The following CADM2 variants were observed in gnomAD, a reference collection of about 807,000 sequenced individuals.
The protein encoded by CADM2 is immunoglobulin superfamily member 4D.
In CADM2, 12 loss-of-function variants were observed where a neutral mutation model predicts 49.8. That is an observed-to-expected ratio of 0.24 (90% CI 0.15 to 0.39). The LOEUF (loss-of-function observed/expected upper bound fraction) is 0.39, where lower values mean the gene tolerates loss of function less well. Ranked by LOEUF, CADM2 falls within the 10% of genes least tolerant of loss-of-function variation. The pLI is 1.00. For missense variants in CADM2, 378 were observed against 492.3 expected, an observed-to-expected ratio of 0.77 and a Z score of 2.20; for synonymous variants, 214 against 175.4, an observed-to-expected ratio of 1.22 and a Z score of -1.74.
chr3:85,556,870 A>G (rs562888428), intron 1 of CADM2, among the ~76,000 whole-genome samples: 2 of 152,260 alleles, frequency 1.3e-5, no homozygotes, highest in East Asian at 3.9e-4. Flanking sequence ...GTGTGAATAA[A>G]TTTTTAGATT....
chr3:85,164,095 T>C (rs2107672865), intron 1 of CADM2, among the ~76,000 whole-genome samples: 1 of 152,220 alleles, frequency 6.6e-6, no homozygotes, highest in Middle Eastern at 3.4e-3. Flanking sequence ...GTATTATCTT[T>C]GAACAAATTG....
At chr3:85,231,365 T>C (rs894569512) in intron 1 of CADM2, among the ~76,000 whole-genome samples, 3 of 152,052 alleles carry the variant, frequency 2.0e-5, no homozygotes, top group African/African-American at 7.2e-5. Context: ...TAGCTACTAG[T>C]TTTTCTAAGT....
intron 1 of CADM2, among the ~76,000 whole-genome samples, chr3:85,622,873 G>C (rs963367500): frequency 6.6e-6 from 1 of 151,848 alleles, no homozygotes. Flanking sequence ...AATTTTTTTT[G>C]TTTTGTTTTG....
chr3:85,423,625 C>T lies in CADM2; in HGVS notation c.62-302897C>T, dbSNP rs141358365. The stretch of plus-strand genomic sequence containing the variant: ...CAAAGAAATATAATCAGGTGAGTGG[C>T]TATTGGATGTCTGCCTCAATTAGCA... On this transcript the variant is annotated intron_variant, in intron 1 of 9. Coordinates refer to ENST00000383699, the MANE Select transcript of CADM2 (RefSeq NM_001167675.2). Among the ~76,000 whole-genome samples the T allele has an allele frequency of 4.7e-4, 71 of 152,266 alleles. No homozygotes were observed. The East Asian group carries it at 8.1e-3, about 17-fold the overall frequency.
intron 1 of CADM2, among the ~76,000 whole-genome samples, chr3:85,047,111 T>G (rs2035699622): frequency 6.6e-6 from 1 of 152,174 alleles, no homozygotes; most frequent in Admixed American, 6.6e-5. Context: ...ATAAGTTAAC[T>G]TTTCTTTTTA....
chr3:85,605,433 G>A (rs921825982), intron 1 of CADM2, among the ~76,000 whole-genome samples: 3 of 152,002 alleles, frequency 2.0e-5, no homozygotes, highest in Admixed American at 6.6e-5. Flanking sequence ...TAATCAGAGC[G>A]TGAATAAGCT....
chr3:85,428,269 A>G (rs1461184756), intron 1 of CADM2, among the ~76,000 whole-genome samples: 1 of 149,158 alleles, frequency 6.7e-6, no homozygotes, highest in African/African-American at 2.4e-5. Context: ...ATAGTCAATA[A>G]TAGCTAAACT....
At chr3:85,448,610 C>CGTGT (rs1350694061) in intron 1 of CADM2, among the ~76,000 whole-genome samples, 1 of 151,762 alleles carries the variant, frequency 6.6e-6, no homozygotes, top group Non-Finnish European at 1.5e-5. Flanking sequence ...TGTGTGCATG[C>CGTGT]GTGTGTGTGT....
At chr3:85,901,154 A>T (rs548883061) in intron 5 of CADM2, among the ~76,000 whole-genome samples, 1 of 152,328 alleles carries the variant, frequency 6.6e-6, no homozygotes, top group South Asian at 2.1e-4. Flanking sequence ...AGATGGTGCC[A>T]TTGCACTGCA....
At chr3:85,147,328 A>AAATTTCCT (rs2039780480) in intron 1 of CADM2, among the ~76,000 whole-genome samples, 1 of 150,658 alleles carries the variant, frequency 6.6e-6, no homozygotes, top group South Asian at 2.1e-4. Flanking sequence ...AAGAAGTAGG[A>AAATTTCCT]AATTTCCTTA....
chr3:86,066,662 C>G lies in CADM2; in HGVS notation c.1097-3C>G. 1 of 1,592,296 alleles carries G rather than the reference C, an allele frequency of 6.3e-7. No individual in the cohort carries two copies. Among genetic ancestry groups the G allele is most frequent in the Non-Finnish European group, 8.6e-7 (1 of 1,160,192 alleles). ...TAACATATTTTTCTTCCAATATATG[C>G]AGGAACGTATTTAACAAATGAAGCT... On this transcript the variant is annotated splice_polypyrimidine_tract_variant and splice_region_variant and intron_variant, in intron 9 of 9. Transcript: ENST00000383699.
intron 1 of CADM2, among the ~76,000 whole-genome samples, chr3:85,335,751 A>C (rs1019567385): frequency 2.0e-5 from 3 of 151,540 alleles, no homozygotes; most frequent in Middle Eastern, 3.4e-3. Context: ...CATAATCTAT[A>C]ATTTCTGCCA....
intron 8 of CADM2, among the ~76,000 whole-genome samples, chr3:86,026,029 A>C (rs1733865853): frequency 6.6e-6 from 1 of 152,114 alleles, no homozygotes; most frequent in African/African-American, 2.4e-5. Flanking sequence ...AAATAAATAT[A>C]TTAATACTGA....
intron 1 of CADM2, among the ~76,000 whole-genome samples, chr3:85,107,022 A>G (rs1238215864): frequency 6.6e-6 from 1 of 152,180 alleles, no homozygotes; most frequent in African/African-American, 2.4e-5. Context: ...TGGGACAGGG[A>G]GACAGAAGCA....
At chr3:85,855,641 T>TATATATATA (rs71112122) in intron 3 of CADM2, among the ~76,000 whole-genome samples, 10 of 133,070 alleles carry the variant, frequency 7.5e-5, no homozygotes, top group Non-Finnish European at 1.3e-4. Context: ...TATATATATA[T>TATATATATA]TTTGAGACGG....
chr3:85,298,685 T>G (rs1243397639), intron 1 of CADM2, among the ~76,000 whole-genome samples: 1 of 152,108 alleles, frequency 6.6e-6, no homozygotes, highest in Non-Finnish European at 1.5e-5. Flanking sequence ...ATAAGCTGCC[T>G]TAATAGTCTC....
At chr3:85,171,093 G>A (rs2040613676) in intron 1 of CADM2, among the ~76,000 whole-genome samples, 1 of 152,034 alleles carries the variant, frequency 6.6e-6, no homozygotes, top group Admixed American at 6.5e-5. Context: ...ATGTACATGA[G>A]GCATATAGAA....
intron 1 of CADM2, among the ~76,000 whole-genome samples, chr3:85,027,175 C>T (rs1442944846): frequency 8.5e-6 from 1 of 118,038 alleles, no homozygotes; most frequent in East Asian, 2.6e-4. Flanking sequence ...AGTGTAGTGG[C>T]GTGATCTCGA....
chr3:85,499,558 TTAAA>T (rs1252226454), intron 1 of CADM2, among the ~76,000 whole-genome samples: 1 of 151,428 alleles, frequency 6.6e-6, no homozygotes, highest in East Asian at 1.9e-4. Context: ...TAATGTATTA[TTAAA>T]TAATCTATCA....
Sources: gnomAD v4.1 joint callset for allele counts (sites outside exome capture counted in the v4.1 genomes callset) on GRCh38, gnomAD v4.1.1 for gene constraint, MANE v1.5 for transcripts, NCBI Gene and HGNC (gene_info 2026-07-23, HGNC 2026-07-21) for gene names.